PRRX1: variants seen among roughly 807,000 people sequenced by gnomAD.
The protein encoded by PRRX1 is paired related homeobox 1.
PRRX1 carries 8 observed loss-of-function variants against 24.0 expected under a neutral mutation model. The ratio of observed to expected loss-of-function variants is 0.33; its 90% CI spans 0.20 to 0.60. PRRX1 has a LOEUF of 0.60. Among genes scored for constraint, PRRX1 ranks in the 20% least tolerant of loss-of-function variants. The probability of loss-of-function intolerance (pLI) is 0.82; values close to 1 mark genes in which losing one functional copy is unlikely to be tolerated. For synonymous variants in PRRX1, 160 were observed against 131.7 expected (o/e 1.22, Z -1.47); for missense variants, 281 against 322.4 (o/e 0.87, Z 0.98).
At chr1:170,709,255 C>T (rs1013859290) in intron 1 of PRRX1, among the ~76,000 whole-genome samples, 20 of 152,090 alleles carry the variant, frequency 1.3e-4, no homozygotes, top group African/African-American at 4.8e-4. Context: ...TCAGCTGAGA[C>T]TTAGGAAAGG....
intron 1 of PRRX1, among the ~76,000 whole-genome samples, chr1:170,693,022 C>A (rs765092833): frequency 1.3e-4 from 20 of 152,036 alleles, no homozygotes; most frequent in Non-Finnish European, 2.8e-4. Flanking sequence ...TCACTTCCAA[C>A]CCAACCTTCA....
chr1:170,683,339 C>T (rs1465663788), intron 1 of PRRX1, among the ~76,000 whole-genome samples: 1 of 152,132 alleles, frequency 6.6e-6, no homozygotes, highest in Non-Finnish European at 1.5e-5. Context: ...CCTACAGGGG[C>T]TCAGGAGGCT....
At chr1:170,666,417 CAAAAAAAA>C (rs35075394) in intron 1 of PRRX1, among the ~76,000 whole-genome samples, 3 of 75,946 alleles carry the variant, frequency 4.0e-5, no homozygotes, top group Admixed American at 1.5e-4. Flanking sequence ...GACTCCGTCT[CAAAAAAAA>C]AAAAAAAAAA....
rs1319221832 is a variant in PRRX1, at chr1:170,664,286, G to T, written c.68G>T (p.Gly23Val). Residue 23 changes from glycine to valine, a missense_variant, in exon 1 of 4, where the codon GGC becomes GTC. Coordinates refer to ENST00000239461, the MANE Select transcript of PRRX1 (RefSeq NM_022716.4). Reference sequence around the variant, plus strand: ...CTGGGCGGCCGCTTGGACAGCCCGGGCAACCTCGACACCCTGCAGGCGAAA... The same window carrying T: ...CTGGGCGGCCGCTTGGACAGCCCGGTCAACCTCGACACCCTGCAGGCGAAA... ...PALGGRLDSP[G>V]NLDTLQAKKN... 1.2e-5 allele frequency: 19 copies of T among 1,613,188 alleles called. No individual in the cohort carries two copies. The highest frequency in any genetic ancestry group is 1.5e-5 in the Non-Finnish European group (18 of 1,179,794).
At chr1:170,735,931 C>T (rs1655585955) in intron 3 of PRRX1, 117 bp from the exon 4 acceptor site, 1 of 1,404,796 alleles carries the variant, frequency 7.1e-7, no homozygotes, top group Non-Finnish European at 1.0e-6. Context: ...GTCATCTAGT[C>T]CAAGCCATTG....
intron 1 of PRRX1, among the ~76,000 whole-genome samples, chr1:170,700,576 C>T (rs986477626): frequency 6.6e-6 from 1 of 152,100 alleles, no homozygotes; most frequent in East Asian, 1.9e-4. Context: ...GTTTAGCAGT[C>T]AGAGAGGCCT....
chr1:170,725,349 G>A (rs1421855206), intron 2 of PRRX1, among the ~76,000 whole-genome samples: 2 of 152,166 alleles, frequency 1.3e-5, no homozygotes, highest in Non-Finnish European at 2.9e-5. Flanking sequence ...AGCAAATGCT[G>A]TCAGTGCTGT....
At chr1:170,692,413 TTCAC>T (rs1334560886) in intron 1 of PRRX1, among the ~76,000 whole-genome samples, 2 of 152,102 alleles carry the variant, frequency 1.3e-5, no homozygotes, top group Non-Finnish European at 1.5e-5. Flanking sequence ...CTTTCCTTAA[TTCAC>T]TCTTGACATA....
At position 170,664,191 on chromosome 1, in the gene PRRX1, G is replaced by T. The variant is rs763794426; in HGVS notation, c.-28G>T. The T allele has an allele frequency of 1.2e-5, 19 of 1,599,158 alleles. No homozygotes were observed. In the East Asian group the frequency reaches 2.0e-4, roughly 17 times the overall value. On this transcript the variant is annotated 5_prime_UTR_variant, in exon 1 of 4. Transcript: ENST00000239461. ...TGGTGTTGATTCGAGCGGGAAGAGG[G>T]GGGTGGGTGGGATCGGTGGGGGAGA...
intron 1 of PRRX1, among the ~76,000 whole-genome samples, chr1:170,715,204 T>G (rs1273419064): frequency 6.6e-6 from 1 of 152,220 alleles, no homozygotes; most frequent in Non-Finnish European, 1.5e-5. Flanking sequence ...AATGCTAACA[T>G]AATTACTTGC....
chr1:170,696,374 G>A (rs868170527), intron 1 of PRRX1, among the ~76,000 whole-genome samples: 6 of 152,182 alleles, frequency 3.9e-5, no homozygotes, highest in South Asian at 2.1e-4. Flanking sequence ...TCTAGTGTGC[G>A]GTTCTCAGAG....
intron 1 of PRRX1, among the ~76,000 whole-genome samples, chr1:170,698,865 A>G (rs1449436767): frequency 1.3e-5 from 2 of 152,044 alleles, no homozygotes; most frequent in Non-Finnish European, 2.9e-5. Context: ...TGGCTAAGGA[A>G]GTGTCAAGGG....
At chr1:170,722,497 A>G (rs1283248744) in intron 2 of PRRX1, 1 of 152,210 alleles carries the variant, frequency 6.6e-6, no homozygotes, top group Non-Finnish European at 1.5e-5. Flanking sequence ...GGTGGAGAAG[A>G]TAGATGTACA....
intron 1 of PRRX1, among the ~76,000 whole-genome samples, chr1:170,709,274 C>T (rs1654669909): frequency 6.6e-6 from 1 of 152,026 alleles, no homozygotes; most frequent in Non-Finnish European, 1.5e-5. Context: ...GGAGAAGGGG[C>T]CATTAATGTA....
At chr1:170,701,834 A>T (rs544634535) in intron 1 of PRRX1, among the ~76,000 whole-genome samples, 82 of 152,316 alleles carry the variant, frequency 5.4e-4, no homozygotes, top group African/African-American at 1.8e-3. Context: ...CATATCCATC[A>T]TCTGAAACAT....
chr1:170,693,898 A>G (rs116671363), intron 1 of PRRX1, among the ~76,000 whole-genome samples: 11 of 152,224 alleles, frequency 7.2e-5, no homozygotes, highest in Middle Eastern at 3.4e-3. Context: ...TGTGCCCACA[A>G]AGAAAAATGG....
rs1480703407 is a variant in PRRX1 at position 170,728,119 on chromosome 1, C to T, written c.599+1718C>T. ...GGGTCCTCCATAGGAACTTTTCATA[C>T]CAGCCATAAACAATCCAGATGGCTG... On this transcript the variant is annotated intron_variant, in intron 3 of 3. Transcript: ENST00000239461. 8 of 152,250 alleles carry T rather than the reference C, an allele frequency of 5.3e-5. No homozygotes were observed. In the East Asian group the frequency reaches 1.2e-3, roughly 22 times the overall value. 9.4% of individuals were successfully genotyped at this position (152,250 alleles called of 1,614,324 possible).
chr1:170,695,838 T>A (rs1454488086), intron 1 of PRRX1, among the ~76,000 whole-genome samples: 6 of 37,312 alleles, frequency 1.6e-4, no homozygotes, highest in Admixed American at 1.5e-3. Flanking sequence ...CTGGGTATGC[T>A]TTTTTTCCCC....
intron 3 of PRRX1, among the ~76,000 whole-genome samples, chr1:170,732,984 G>A (rs918204466): frequency 7.2e-5 from 11 of 152,072 alleles, no homozygotes; most frequent in African/African-American, 1.4e-4. Flanking sequence ...GCAGGCTGCC[G>A]TTTATGTGAA....
Sources: allele counts gnomAD v4.1 joint callset (sites outside exome capture counted in the v4.1 genomes callset), GRCh38; gene constraint gnomAD v4.1.1; transcripts MANE v1.5; gene names NCBI Gene and HGNC (gene_info 2026-07-23, HGNC 2026-07-21).